The following RIMS1 variants were observed in gnomAD, a reference collection of about 807,000 sequenced individuals.
RIMS1 encodes the protein regulating synaptic membrane exocytosis protein 1.
Under a neutral mutation model 214.1 loss-of-function variants are expected in RIMS1, and 83 were observed. The ratio of observed to expected loss-of-function variants is 0.39; its 90% CI spans 0.32 to 0.47. The LOEUF (loss-of-function observed/expected upper bound fraction) is 0.47. Ranked by LOEUF, RIMS1 falls within the 20% of genes least tolerant of loss-of-function variation. RIMS1 has a pLI of 0.99. For synonymous variants in RIMS1, 793 were observed against 786.8 expected (o/e 1.01, Z -0.13); for missense variants, 2,050 against 2,161.8 (o/e 0.95, Z 1.03).
At chr6:72,071,582 A>G (rs776837381) in intron 2 of RIMS1, among the ~76,000 whole-genome samples, 4 of 152,196 alleles carry the variant, frequency 2.6e-5, no homozygotes, top group Admixed American at 6.5e-5. Flanking sequence ...AATTAGAGCA[A>G]TTTAGCTTTT....
rs899646605 is a variant in RIMS1 at position 72,046,059 on chromosome 6, A to T, written c.246-50890A>T. Among the ~76,000 whole-genome samples, 3 of 152,118 alleles carry T rather than the reference A, an allele frequency of 2.0e-5. No homozygotes were observed. The East Asian group carries it at 5.8e-4, about 29-fold the overall frequency. On this transcript the variant is annotated intron_variant, in intron 2 of 33. Coordinates refer to ENST00000521978, the MANE Select transcript of RIMS1 (RefSeq NM_014989.7). ...TTTAAAAAATTATCACTGCTAATGT[A>T]AAAGCAAAGTATAATATTTTGCTTC...
At chr6:72,081,977 A>T (rs780414745) in intron 2 of RIMS1, among the ~76,000 whole-genome samples, 1 of 152,116 alleles carries the variant, frequency 6.6e-6, no homozygotes, top group Non-Finnish European at 1.5e-5. Context: ...CTTGAAATGC[A>T]CTCCAGAATG....
chr6:72,278,917 G>T (rs2088367856), intron 23 of RIMS1, among the ~76,000 whole-genome samples: 2 of 152,006 alleles, frequency 1.3e-5, no homozygotes, highest in African/African-American at 2.4e-5. Flanking sequence ...AGCCATGTAA[G>T]TAGTAAGCCA....
At chr6:72,155,104 A>G (rs577529252) in intron 4 of RIMS1, among the ~76,000 whole-genome samples, 1 of 140,542 alleles carries the variant, frequency 7.1e-6, no homozygotes, top group Admixed American at 7.3e-5. Flanking sequence ...TCTTGCATAG[A>G]GAGCTGGCTG....
In RIMS1 at chr6:72,087,245, T is replaced by C. The variant is rs371603273; in HGVS notation, c.246-9704T>C. Reference sequence around the variant, plus strand: ...TTTATAACCCATGATACCAGCCATTTAGTTTATCCCTAAAGAACTGAGAGT... The same window carrying C: ...TTTATAACCCATGATACCAGCCATTCAGTTTATCCCTAAAGAACTGAGAGT... On this transcript the variant is annotated intron_variant, in intron 2 of 33. Transcript: ENST00000521978. Among the ~76,000 whole-genome samples, 15 of 152,372 alleles carry C rather than the reference T, an allele frequency of 9.8e-5. No individual in the cohort carries two copies. In the East Asian group the frequency reaches 2.3e-3, roughly 24 times the overall value.
intron 28 of RIMS1, among the ~76,000 whole-genome samples, chr6:72,318,319 C>T (rs893911828): frequency 6.6e-6 from 1 of 151,670 alleles, no homozygotes; most frequent in Non-Finnish European, 1.5e-5. Flanking sequence ...ATTTTTCTTT[C>T]ATTTCCCCCC....
chr6:71,909,494 G>T (rs1776281333), intron 1 of RIMS1, among the ~76,000 whole-genome samples: 1 of 152,150 alleles, frequency 6.6e-6, no homozygotes, highest in South Asian at 2.1e-4. Context: ...GGAATTCCTT[G>T]ATTCTAATCT....
chr6:72,076,941 C>T (rs1043245582), intron 2 of RIMS1, among the ~76,000 whole-genome samples: 2 of 152,170 alleles, frequency 1.3e-5, no homozygotes, highest in Non-Finnish European at 2.9e-5. Context: ...CCTTCAGTGA[C>T]CTCCCATTCC....
At chr6:71,922,772 A>G (rs1237820559) in intron 1 of RIMS1, among the ~76,000 whole-genome samples, 1 of 152,228 alleles carries the variant, frequency 6.6e-6, no homozygotes, top group African/African-American at 2.4e-5. Context: ...GTTAGCAGAA[A>G]TGGAGTAGGA....
chr6:71,911,291 G>A (rs1337257080), intron 1 of RIMS1, among the ~76,000 whole-genome samples: 1 of 152,162 alleles, frequency 6.6e-6, no homozygotes, highest in Non-Finnish European at 1.5e-5. Flanking sequence ...ATCTGTGGAT[G>A]AGAGCCACAC....
chr6:72,224,724 G>C (rs1391086107), intron 6 of RIMS1, among the ~76,000 whole-genome samples: 1 of 152,068 alleles, frequency 6.6e-6, no homozygotes, highest in Non-Finnish European at 1.5e-5. Context: ...TGGATTTGTT[G>C]ATATTGCTTC....
intron 2 of RIMS1, among the ~76,000 whole-genome samples, chr6:72,088,465 C>G (rs930468897): frequency 6.6e-6 from 1 of 151,782 alleles, no homozygotes; most frequent in African/African-American, 2.4e-5. Context: ...TGGCCCGGCT[C>G]CAGGCTGGTC....
At chr6:71,922,668 TA>T (rs1780370464) in intron 1 of RIMS1, among the ~76,000 whole-genome samples, 1 of 151,930 alleles carries the variant, frequency 6.6e-6, no homozygotes, top group Admixed American at 6.6e-5. Flanking sequence ...AAGTAAGGTA[TA>T]AAAAAGGAGG....
intron 29 of RIMS1, among the ~76,000 whole-genome samples, chr6:72,375,726 C>A (rs2098356527): frequency 6.6e-6 from 1 of 152,116 alleles, no homozygotes. Context: ...TTTGGGTACA[C>A]AAGGGACCCA....
chr6:72,108,033 T>C (rs1270478518), intron 4 of RIMS1, among the ~76,000 whole-genome samples: 1 of 152,146 alleles, frequency 6.6e-6, no homozygotes, highest in African/African-American at 2.4e-5. Context: ...TGTGTTTTGT[T>C]TTTGAGACAG....
intron 2 of RIMS1, among the ~76,000 whole-genome samples, chr6:71,997,837 C>CT (rs1390835605): frequency 1.3e-5 from 2 of 151,992 alleles, no homozygotes; most frequent in Non-Finnish European, 2.9e-5. Context: ...ATCCAGGTGA[C>CT]TTTTTTAAAC....
intron 4 of RIMS1, among the ~76,000 whole-genome samples, chr6:72,171,894 T>A (rs1266411929): frequency 6.6e-6 from 1 of 152,100 alleles, no homozygotes; most frequent in African/African-American, 2.4e-5. Flanking sequence ...ACCATATAAA[T>A]AGTCAATGAA....
At chr6:72,110,292 C>A (rs1281270400) in intron 4 of RIMS1, among the ~76,000 whole-genome samples, 3 of 152,140 alleles carry the variant, frequency 2.0e-5, no homozygotes, top group Non-Finnish European at 2.9e-5. Flanking sequence ...TTACCTTGGG[C>A]AGTATGGCCA....
intron 29 of RIMS1, among the ~76,000 whole-genome samples, chr6:72,335,232 C>T (rs2096799304): frequency 6.6e-6 from 1 of 151,972 alleles, no homozygotes; most frequent in Non-Finnish European, 1.5e-5. Context: ...CTCCCCTAGG[C>T]CCCCACCTGC....
Sources: allele counts gnomAD v4.1 joint callset (sites outside exome capture counted in the v4.1 genomes callset), GRCh38; gene constraint gnomAD v4.1.1; transcripts MANE v1.5; gene names NCBI Gene and HGNC (gene_info 2026-07-23, HGNC 2026-07-21).